Variants in GET4 observed in about 807,000 individuals in gnomAD.
GET4 encodes the protein Golgi to ER traffic protein 4 homolog.
GET4 carries 20 observed loss-of-function variants against 40.0 expected under a neutral mutation model. The observed-to-expected ratio is 0.50, with a 90% CI of 0.35 to 0.73. The LOEUF is 0.73. GET4 is among the 30% of genes least tolerant of loss of function. The probability of loss-of-function intolerance (pLI) is 0.01; values close to 1 mark genes in which losing one functional copy is unlikely to be tolerated. For missense variants in GET4, 557 were observed against 454.0 expected, an observed-to-expected ratio of 1.23 and a Z score of -2.06; for synonymous variants, 280 against 194.6, an observed-to-expected ratio of 1.44 and a Z score of -3.65.
chr7:886,001 G>T (rs1844179383), intron 1 of GET4, 55 bp from the exon 2 acceptor site: 2 of 1,025,874 alleles, frequency 1.9e-6, no homozygotes, highest in Admixed American at 1.7e-5. Flanking sequence ...GATGAGCGGG[G>T]GAGCGCGGTG....
At chr7:891,277 C>T (rs375031654) in intron 5 of GET4, among the ~76,000 whole-genome samples, 3 of 152,342 alleles carry the variant, frequency 2.0e-5, no homozygotes, top group Non-Finnish European at 1.5e-5. Flanking sequence ...CCCCCTTTCC[C>T]GACGGGCACT....
chr7:878,401 C>T (rs1476463374), intron 1 of GET4: 1 of 470,550 alleles, frequency 2.1e-6, no homozygotes, highest in African/African-American at 2.0e-5. Flanking sequence ...TCTGGCCAGT[C>T]ACTAGGAATT....
At chr7:878,441 T>C (rs1456465828) in intron 1 of GET4, 7 of 459,964 alleles carry the variant, frequency 1.5e-5, no homozygotes, top group Non-Finnish European at 3.2e-5. Flanking sequence ...TTTCAGAGGA[T>C]TTAGTATTTT....
chr7:883,816 G>A, intron 1 of GET4: 1 of 992,090 alleles, frequency 1.0e-6, no homozygotes, highest in Non-Finnish European at 1.2e-6. Context: ...AGGAGGAGAA[G>A]CCGTCCACGT....
rs1843941997 is a variant in GET4 at position 876,621 on chromosome 7, C to T, written c.-25C>T. The T allele has an allele frequency of 1.7e-6, 2 of 1,200,164 alleles. No homozygotes were observed. Among genetic ancestry groups the T allele is most frequent in the Admixed American group, 4.7e-5 (1 of 21,496 alleles). 74.3% of individuals were successfully genotyped at this position (1,200,164 alleles called of 1,614,324 possible). ...CTGCCGACCGCGCCTGCGACAGCGT[C>T]AGCCCTGCGCGGAGCGCCGGCCCGA... On this transcript the variant is annotated 5_prime_UTR_variant, in exon 1 of 9. Coordinates refer to ENST00000265857, the MANE Select transcript of GET4 (RefSeq NM_015949.3).
chr7:878,241 C>T (rs1050796513), intron 1 of GET4: 2 of 470,680 alleles, frequency 4.2e-6, no homozygotes, highest in African/African-American at 4.0e-5. Flanking sequence ...TTCCAGGCTG[C>T]TGCGTGGCTT....
chr7:887,138 C>T (rs1488848351), intron 3 of GET4: 1 of 682,834 alleles, frequency 1.5e-6, no homozygotes. Context: ...CTTCCCCAGC[C>T]CCCGCCTCGG....
intron 4 of GET4, 100 bp downstream of exon 4, chr7:887,619 T>C: frequency 1.0e-6 from 1 of 966,234 alleles, no homozygotes; most frequent in Non-Finnish European, 1.4e-6. Flanking sequence ...AGGGCAGAGA[T>C]GGGGTTTCAC....
At chr7:892,550 G>A in intron 6 of GET4, 132 bp downstream of exon 6, 1 of 886,018 alleles carries the variant, frequency 1.1e-6, no homozygotes, top group South Asian at 1.6e-5. Context: ...TATATGCATA[G>A]GGTATGAGTG....
Position 876,774 on chromosome 7 carries a change from C to G in GET4, c.129C>G (p.His43Gln). 7.5e-7 allele frequency: 1 copy of G among 1,329,448 alleles called. No homozygotes were observed. The highest frequency in any genetic ancestry group is 9.8e-7 in the Non-Finnish European group (1 of 1,024,956). The allele number at this position is 1,329,448 out of a possible 1,614,324, so 82.4% of individuals were successfully genotyped here. Residue 43 changes from histidine to glutamine, a missense_variant, in exon 1 of 9, where the codon CAC becomes CAG. Transcript: ENST00000265857. ...AGAAGGGCGACTACTACGAGGCGCA[C>G]CAGATGTACCGGACCCTGTTCTTCA... is the stretch of plus-strand genomic sequence containing the variant. ...SVEKGDYYEA[H>Q]QMYRTLFFRY... is the part of the protein sequence containing the mutation.
In GET4 at chr7:893,844, G is replaced by T. The variant is rs1243460414; in HGVS notation, c.822+29G>T. ...AGAGCTTGGGGCTGGGGAGGGAGGA[G>T]GGGACCCCACGGTCTGGGTCCACCC... On this transcript the variant is annotated intron_variant, in intron 7 of 8. Transcript: ENST00000265857. The T allele has an allele frequency of 3.1e-6, 5 of 1,608,078 alleles. No homozygotes were observed. In the African/African-American group the frequency reaches 5.4e-5, roughly 17 times the overall value.
At chr7:891,367 G>A (rs377196743) in intron 5 of GET4, among the ~76,000 whole-genome samples, 9 of 152,210 alleles carry the variant, frequency 5.9e-5, no homozygotes, top group African/African-American at 7.2e-5. Flanking sequence ...GGCCTGCCTC[G>A]GCCAGTTCTT....
intron 1 of GET4, 70 bp downstream of exon 1, chr7:876,870 G>C: frequency 4.6e-6 from 4 of 870,690 alleles, no homozygotes; most frequent in Non-Finnish European, 5.8e-6. Flanking sequence ...GCGCCGCCTC[G>C]CCCCGCGCCC....
intron 6 of GET4, 41 bp from the exon 7 acceptor site, chr7:893,699 G>T: frequency 7.3e-7 from 1 of 1,377,584 alleles, no homozygotes; most frequent in Non-Finnish European, 1.0e-6. Flanking sequence ...GTGTGGTCCT[G>T]TTCTGCTCAC....
chr7:887,861 T>C (rs1294069161), intron 4 of GET4, among the ~76,000 whole-genome samples: 1 of 152,174 alleles, frequency 6.6e-6, no homozygotes, highest in Non-Finnish European at 1.5e-5. Flanking sequence ...GTGCCCTGTT[T>C]TTCTCCTTTA....
Position 896,409 on chromosome 7 carries a change from G to A in GET4, c.*987G>A, listed in dbSNP as rs182474204. ...TTCAGGAAGGCTTGTGTGAACCGTT[G>A]CGCATAAATAAACCCTTTCTACCGG... On this transcript the variant is annotated 3_prime_UTR_variant, in exon 9 of 9. Transcript: ENST00000265857. 4 of 152,314 alleles carry A rather than the reference G, an allele frequency of 2.6e-5. No homozygotes were observed. Among genetic ancestry groups the A allele is most frequent in the East Asian group, 1.9e-4 (1 of 5,180 alleles). 9.4% of individuals were successfully genotyped at this position (152,314 alleles called of 1,614,324 possible).
intron 4 of GET4, among the ~76,000 whole-genome samples, chr7:888,076 T>C (rs1432395424): frequency 6.6e-6 from 1 of 152,132 alleles, no homozygotes; most frequent in Non-Finnish European, 1.5e-5. Flanking sequence ...TTCCCTGGGA[T>C]GGCAAGTGGC....
At position 891,140 on chromosome 7, in the gene GET4, T is replaced by C. The variant is rs1844312996; in HGVS notation, c.605+74T>C. The C allele has an allele frequency of 5.8e-6, 7 of 1,209,974 alleles. No individual in the cohort carries two copies. In the Middle Eastern group the frequency reaches 7.7e-4, roughly 133 times the overall value. The allele number at this position is 1,209,974 out of a possible 1,614,324, so 75.0% of individuals were successfully genotyped here. ...TGGGCAGCCTTAGAACAGGTCCCCT[T>C]GTCCCCTGTCCGAGCCGAGCTGCAG... is the stretch of plus-strand genomic sequence containing the variant. On this transcript the variant is annotated intron_variant, in intron 5 of 8. Transcript: ENST00000265857.
rs116753618 is a variant in GET4, at chr7:889,421, C to T, written c.467-1507C>T. Among the ~76,000 whole-genome samples, 889 of 152,356 alleles carry T rather than the reference C, an allele frequency of 5.8e-3. 14 individuals are homozygous for T. Among genetic ancestry groups the T allele is most frequent in the African/African-American group, 0.021 (857 of 41,572 alleles). On this transcript the variant is annotated intron_variant, in intron 4 of 8. Transcript: ENST00000265857. Reference sequence around the variant, plus strand: ...TGCTTCCCTCCTGGGGATGAAATCACACCCATAGGTAAAGGTTTGGGAGTG... The same window carrying T: ...TGCTTCCCTCCTGGGGATGAAATCATACCCATAGGTAAAGGTTTGGGAGTG...
Sources: gnomAD v4.1 joint callset for allele counts (sites outside exome capture counted in the v4.1 genomes callset) on GRCh38, gnomAD v4.1.1 for gene constraint, MANE v1.5 for transcripts, NCBI Gene and HGNC (gene_info 2026-07-23, HGNC 2026-07-21) for gene names.